The following PPIC variants were observed in gnomAD, a reference collection of about 807,000 sequenced individuals.
PPIC encodes peptidyl-prolyl cis-trans isomerase C.
PPIC carries 19 observed loss-of-function variants against 19.5 expected under a neutral mutation model. The ratio of observed to expected loss-of-function variants is 0.98; its 90% CI spans 0.68 to 1.43. The LOEUF is 1.43. Among genes scored for constraint, PPIC ranks in the 40% most tolerant of loss-of-function variants. PPIC has a pLI of 0.00. For missense variants in PPIC, 268 were observed against 268.6 expected (o/e 1.00, Z 0.02); for synonymous variants, 107 against 101.2 (o/e 1.06, Z -0.34).
At chr5:123,028,494 C>A (rs907069054) in intron 3 of PPIC, 91 of 317,424 alleles carry the variant, frequency 2.9e-4, no homozygotes, top group Admixed American at 5.9e-4. Flanking sequence ...TGTATGGCTA[C>A]TGACTAGTAG....
In PPIC at chr5:123,025,807, AC is replaced by A. The variant is rs751782851; in HGVS notation, c.486del (p.Phe163LeufsTer8). On this transcript the variant is annotated frameshift_variant, in exon 4 of 5. Transcript: ENST00000306442. LOFTEE classifies it high-confidence loss of function. ...KPTWLDGKHVVFGKVIDGMTV... is the reference protein window; with the variant it reads ...KPTWLDGKHVXFGKVIDGMTV... ...ACCATCCCATCAATGACTTTTCCAA[AC>A]ACCACATGTTTGCCGTCCAACCAGG... 1 of 1,613,180 alleles carries A rather than the reference AC, an allele frequency of 6.2e-7. No homozygotes were observed. The highest frequency in any genetic ancestry group is 1.3e-5 in the African/African-American group (1 of 74,900).
chr5:123,023,763 AAAAG>A lies in PPIC; in HGVS notation c.*108_*111del, dbSNP rs375067091. 2.1e-4 allele frequency: 292 copies of A among 1,415,726 alleles called. No individual in the cohort carries two copies. In the East Asian group the frequency reaches 6.3e-3, roughly 31 times the overall value. 87.7% of individuals were successfully genotyped at this position (1,415,726 alleles called of 1,614,324 possible). On this transcript the variant is annotated 3_prime_UTR_variant, in exon 5 of 5. Coordinates refer to ENST00000306442, the MANE Select transcript of PPIC (RefSeq NM_000943.5). The stretch of plus-strand genomic sequence containing the variant: ...TTCCTGTGATCTGGGATAGAATACA[AAAAG>A]AAAGTAAAAAAAAAAAAGCAAATAA...
intron 2 of PPIC, 114 bp downstream of exon 2, chr5:123,029,191 T>C (rs1762907871): frequency 6.4e-7 from 1 of 1,562,490 alleles, no homozygotes. Context: ...TAAAGTCAAA[T>C]GTGGTAAGGT....
At chr5:123,026,042 T>G in intron 3 of PPIC, 74 bp from the exon 4 acceptor site, 129 of 1,245,320 alleles carry the variant, frequency 1.0e-4, no homozygotes, top group Non-Finnish European at 1.2e-4. Context: ...CATAAGGCCT[T>G]AGAGGAATCA....
rs180977508 is a variant in PPIC, at chr5:123,024,082, C to G, written c.511-79G>C. 3.2e-3 allele frequency: 4,845 copies of G among 1,499,280 alleles called. 16 individuals are homozygous for G. The highest frequency in any genetic ancestry group is 3.9e-3 in the Non-Finnish European group (4,347 of 1,114,804). 92.9% of individuals were successfully genotyped at this position (1,499,280 alleles called of 1,614,324 possible). ...TCCAAAGGTTAAACCAAAGCCAACT[C>G]CAAAAGCCCAAGTGGGAAGGAAATA... On this transcript the variant is annotated intron_variant, in intron 4 of 4. Coordinates refer to ENST00000306442, the MANE Select transcript of PPIC (RefSeq NM_000943.5).
Position 123,023,501 on chromosome 5 carries a change from A to G in PPIC, c.*374T>C, listed in dbSNP as rs1762794050. 1 of 154,732 alleles carries G rather than the reference A, an allele frequency of 6.5e-6. No individual in the cohort carries two copies. Among genetic ancestry groups the G allele is most frequent in the African/African-American group, 2.4e-5 (1 of 41,504 alleles). 9.6% of individuals were successfully genotyped at this position (154,732 alleles called of 1,614,324 possible). ...TCCCTTTATCTGAATTTCTGTTTGG[A>G]TACAAAATAATAATATCCTCATCTG... On this transcript the variant is annotated 3_prime_UTR_variant, in exon 5 of 5. Coordinates refer to ENST00000306442, the MANE Select transcript of PPIC (RefSeq NM_000943.5).
rs556627573 is a variant in PPIC at position 123,025,832 on chromosome 5, G to A, written c.462C>T (p.Thr154=). The A allele has an allele frequency of 2.5e-6, 4 of 1,614,048 alleles. No homozygotes were observed. In the South Asian group the frequency reaches 4.4e-5, roughly 18 times the overall value. ...ACACCACATGTTTGCCGTCCAACCA[G>A]GTGGGCTTGGTCAAGGTGATAAAGA... ...SQFFITLTKP[T]WLDGKHVVFG... Residue 154 remains threonine, a synonymous_variant, in exon 4 of 5, where the codon ACC becomes ACT. Coordinates refer to ENST00000306442, the MANE Select transcript of PPIC (RefSeq NM_000943.5).
Position 123,025,914 on chromosome 5 carries a change from T to C in PPIC, c.380A>G (p.Tyr127Cys), listed in dbSNP as rs775851495. 4 of 1,612,730 alleles carry C rather than the reference T, an allele frequency of 2.5e-6. No individual in the cohort carries two copies. Among genetic ancestry groups the C allele is most frequent in the Non-Finnish European group, 3.4e-6 (4 of 1,179,688 alleles). Residue 127 changes from tyrosine to cysteine, a missense_variant, in exon 4 of 5, where the codon TAT becomes TGT. Physicochemically the swap from Tyr to Cys is radical, Grantham distance 194 (BLOSUM62 -2). Coordinates refer to ENST00000306442, the MANE Select transcript of PPIC (RefSeq NM_000943.5). ...FPDENFKLKH[Y>C]GIGWVSMANA... The stretch of plus-strand genomic sequence containing the variant: ...GGCCATGCTGACCCACCCAATGCCA[T>C]AGTGCTTCAGCTTGAAGTTCTCATC...
At chr5:123,032,088 C>G (rs541774619) in intron 1 of PPIC, among the ~76,000 whole-genome samples, 1 of 152,184 alleles carries the variant, frequency 6.6e-6, no homozygotes, top group Non-Finnish European at 1.5e-5. Context: ...TGAGCCACAG[C>G]GCCCAGCCAG....
chr5:123,035,676 T>G (rs1330460170), intron 1 of PPIC, among the ~76,000 whole-genome samples: 2 of 151,780 alleles, frequency 1.3e-5, no homozygotes, highest in Non-Finnish European at 2.9e-5. Flanking sequence ...TGCCAGTGGG[T>G]TTTCTAGAAG....
chr5:123,029,186 T>C, intron 2 of PPIC, 119 bp downstream of exon 2: 1 of 1,550,020 alleles, frequency 6.5e-7, no homozygotes, highest in Non-Finnish European at 8.7e-7. Flanking sequence ...GAAAATAAAG[T>C]CAAATGTGGT....
chr5:123,031,063 ATAT>A (rs952574536), intron 1 of PPIC, among the ~76,000 whole-genome samples: 1 of 151,928 alleles, frequency 6.6e-6, no homozygotes, highest in African/African-American at 2.4e-5. Flanking sequence ...CCTAGCACAC[ATAT>A]TATTATAATT....
At chr5:123,030,198 A>G (rs1036752632) in intron 1 of PPIC, among the ~76,000 whole-genome samples, 2 of 152,248 alleles carry the variant, frequency 1.3e-5, no homozygotes, top group African/African-American at 4.8e-5. Context: ...ACACATAGCC[A>G]GGAGTGAGTG....
chr5:123,025,875 T>A lies in PPIC; in HGVS notation c.419A>T (p.Asp140Val), dbSNP rs1762845011. 1 of 1,614,022 alleles carries A rather than the reference T, an allele frequency of 6.2e-7. No homozygotes were observed. ...GATAAAGAACTGAGAGCCATTGGTGTCAGGCCCAGCGTTGGCCATGCTGAC... is the reference window on the plus strand; with the variant it reads ...GATAAAGAACTGAGAGCCATTGGTGACAGGCCCAGCGTTGGCCATGCTGAC... Reference protein sequence around the residue: ...GWVSMANAGPDTNGSQFFITL... With the variant: ...GWVSMANAGPVTNGSQFFITL... The change falls in exon 4 of 5, where the codon GAC (aspartate) becomes GTC (valine). Residue 140 changes from aspartate (D) to valine (V), a missense_variant. Physicochemically the swap from Asp to Val is radical, Grantham distance 152. Coordinates refer to ENST00000306442, the MANE Select transcript of PPIC (RefSeq NM_000943.5).
At chr5:123,030,286 T>C (rs1762924978) in intron 1 of PPIC, among the ~76,000 whole-genome samples, 3 of 152,236 alleles carry the variant, frequency 2.0e-5, no homozygotes, top group Admixed American at 2.0e-4. Flanking sequence ...AACAAAATTA[T>C]ATGCATTTTG....
rs1027803549 is a variant in PPIC at position 123,036,066 on chromosome 5, G to C, written c.117+443C>G. On this transcript the variant is annotated intron_variant, in intron 1 of 4. Transcript: ENST00000306442. This position sits in a 1 kb window ranked among gnomAD's most constrained non-coding sequence, Gnocchi z 4.5. ...CGTGGAGACCACGCAGCGGGCGGGC[G>C]GCTGCAAGCCCTGGGCTCCGAGCGC... Among the ~76,000 whole-genome samples, 4 of 152,230 alleles carry C rather than the reference G, an allele frequency of 2.6e-5. 1 individual carries two copies. The East Asian group carries it at 7.8e-4, about 30-fold the overall frequency.
At chr5:123,029,025 T>C (rs1337117352) in intron 2 of PPIC, 157 bp from the exon 3 acceptor site, 2 of 826,362 alleles carry the variant, frequency 2.4e-6, no homozygotes, top group Admixed American at 6.0e-5. Context: ...AATTTATCAT[T>C]AGCTGACCAA....
At position 123,034,429 on chromosome 5, in the gene PPIC, C is replaced by CT. The variant is rs573789848; in HGVS notation, c.117+2079dup. On this transcript the variant is annotated intron_variant, in intron 1 of 4. Coordinates refer to ENST00000306442, the MANE Select transcript of PPIC (RefSeq NM_000943.5). The stretch of plus-strand genomic sequence containing the variant: ...GGTTTAGGATGCTCAAACCCTTCCC[C>CT]TCCTGCAGCCACCAGCTTCCTCCTC... 3.1e-4 allele frequency among the ~76,000 whole-genome samples: 47 copies of CT among 152,246 alleles called. No homozygotes were observed. In the South Asian group the frequency reaches 9.8e-3, roughly 32 times the overall value.
chr5:123,024,019 T>G lies in PPIC; in HGVS notation c.511-16A>C. ...GCACCACTGTCTGGTGAGAGAAAAG[T>G]AGACACATGGTTTAATTCTGACCAG... On this transcript the variant is annotated splice_polypyrimidine_tract_variant and intron_variant, in intron 4 of 4. Transcript: ENST00000306442. 1 of 1,610,430 alleles carries G rather than the reference T, an allele frequency of 6.2e-7. No homozygotes were observed. Among genetic ancestry groups the G allele is most frequent in the Non-Finnish European group, 8.5e-7 (1 of 1,177,972 alleles).
Sources: gnomAD v4.1 joint callset for allele counts (sites outside exome capture counted in the v4.1 genomes callset) on GRCh38, gnomAD v4.1.1 for gene constraint, Gnocchi (gnomAD v3.1) non-coding constraint, MANE v1.5 for transcripts, NCBI Gene and HGNC (gene_info 2026-07-23, HGNC 2026-07-21) for gene names.